NTN4: variants seen among roughly 807,000 people sequenced by gnomAD.
NTN4 encodes netrin 4.
NTN4 carries 32 observed loss-of-function variants against 73.6 expected under a neutral mutation model. The ratio of observed to expected loss-of-function variants is 0.44; its 90% CI spans 0.33 to 0.58. NTN4 has a LOEUF of 0.58. Ranked by LOEUF, NTN4 falls within the 20% of genes least tolerant of loss-of-function variation. The pLI is 0.04. For synonymous variants in NTN4, 258 were observed against 287.5 expected, an observed-to-expected ratio of 0.90 and a Z score of 1.04; for missense variants, 654 against 798.3, an observed-to-expected ratio of 0.82 and a Z score of 2.18.
chr12:95,698,454 G>A (rs1432636740), intron 5 of NTN4, among the ~76,000 whole-genome samples: 1 of 152,140 alleles, frequency 6.6e-6, no homozygotes, highest in African/African-American at 2.4e-5. Context: ...TTTATTCAGT[G>A]AATTACTGCA....
intron 7 of NTN4, among the ~76,000 whole-genome samples, chr12:95,677,472 C>A (rs2078282035): frequency 1.3e-5 from 2 of 152,082 alleles, no homozygotes. Context: ...GACCTCCTAA[C>A]TTTCTCAAAT....
chr12:95,666,341 G>T (rs1264444587), intron 8 of NTN4, among the ~76,000 whole-genome samples: 1 of 152,006 alleles, frequency 6.6e-6, no homozygotes, highest in Non-Finnish European at 1.5e-5. Context: ...GATGATGGGT[G>T]TACTAAAATC....
intron 2 of NTN4, among the ~76,000 whole-genome samples, chr12:95,770,391 G>A (rs951748143): frequency 1.3e-5 from 2 of 152,144 alleles, no homozygotes; most frequent in Admixed American, 1.3e-4. Flanking sequence ...CGCCCATTTG[G>A]GTGTGTTAGG....
intron 3 of NTN4, among the ~76,000 whole-genome samples, chr12:95,715,519 T>C (rs562589265): frequency 2.6e-5 from 4 of 152,296 alleles, no homozygotes; most frequent in African/African-American, 9.6e-5. Flanking sequence ...CTTCTCTTCA[T>C]GGCTCTCTGA....
At chr12:95,665,401 T>A (rs546249761) in intron 9 of NTN4, among the ~76,000 whole-genome samples, 1 of 152,352 alleles carries the variant, frequency 6.6e-6, no homozygotes, top group African/African-American at 2.4e-5. Flanking sequence ...ATAGTCGAAA[T>A]GAATTCAATA....
intron 5 of NTN4, among the ~76,000 whole-genome samples, chr12:95,684,861 A>G (rs1232192877): frequency 6.6e-6 from 1 of 151,660 alleles, no homozygotes; most frequent in Non-Finnish European, 1.5e-5. Context: ...CTCCAAACCA[A>G]TGCTCACCAA....
At chr12:95,771,786 T>C (rs994506498) in intron 2 of NTN4, among the ~76,000 whole-genome samples, 1 of 152,096 alleles carries the variant, frequency 6.6e-6, no homozygotes, top group Non-Finnish European at 1.5e-5. Flanking sequence ...GTTTTCTTCC[T>C]CCTTCAATAT....
At chr12:95,676,253 G>A (rs571689279) in intron 7 of NTN4, among the ~76,000 whole-genome samples, 13 of 151,942 alleles carry the variant, frequency 8.6e-5, no homozygotes, top group African/African-American at 1.7e-4. Context: ...ACAGGTACGC[G>A]CCACCACACC....
intron 3 of NTN4, among the ~76,000 whole-genome samples, chr12:95,730,094 GA>G (rs987407871): frequency 3.9e-5 from 6 of 152,130 alleles, no homozygotes; most frequent in Admixed American, 1.3e-4. Flanking sequence ...TTTATAGTAA[GA>G]AAAAAGTCAA....
At chr12:95,770,220 G>T (rs1423891790) in intron 2 of NTN4, among the ~76,000 whole-genome samples, 1 of 152,186 alleles carries the variant, frequency 6.6e-6, no homozygotes, top group Non-Finnish European at 1.5e-5. Context: ...GAGTAAGAAA[G>T]GTGGGATGTA....
chr12:95,672,712 A>G lies in NTN4; in HGVS notation c.1511-2566T>C, dbSNP rs2120952218. 11 of 1,421,652 alleles carry G rather than the reference A, an allele frequency of 7.7e-6. No homozygotes were observed. The South Asian group carries it at 1.3e-4, about 16-fold the overall frequency. The allele number at this position is 1,421,652 out of a possible 1,614,324, so 88.1% of individuals were successfully genotyped here. A position where few individuals can be genotyped will look rare whatever the true frequency, so the allele number is the denominator to read the frequency against. ...TGACCATCCTTTCTACAGCAACATCAGTAAGGATCGTAGGTATGCAGACCT... is the reference window on the plus strand; with the variant it reads ...TGACCATCCTTTCTACAGCAACATCGGTAAGGATCGTAGGTATGCAGACCT... On this transcript the variant is annotated intron_variant, in intron 7 of 9. Coordinates refer to ENST00000343702, the MANE Select transcript of NTN4 (RefSeq NM_021229.4).
intron 7 of NTN4, chr12:95,673,263 T>G (rs2120954825): frequency 2.7e-6 from 1 of 371,212 alleles, no homozygotes; most frequent in East Asian, 6.9e-5. Flanking sequence ...TTCATTCTAG[T>G]CAGAATAGCA....
At chr12:95,783,485 A>C (rs768528259) in intron 2 of NTN4, among the ~76,000 whole-genome samples, 1 of 152,200 alleles carries the variant, frequency 6.6e-6, no homozygotes, top group Non-Finnish European at 1.5e-5. Context: ...GGCAAATTCC[A>C]TTTTACCTTC....
At chr12:95,757,518 A>G (rs188377106) in intron 2 of NTN4, among the ~76,000 whole-genome samples, 85 of 152,278 alleles carry the variant, frequency 5.6e-4, no homozygotes, top group African/African-American at 1.9e-3. Flanking sequence ...GAAGACTCTG[A>G]ACCATGGTAA....
chr12:95,763,947 G>T (rs547312578), intron 2 of NTN4, among the ~76,000 whole-genome samples: 139 of 152,308 alleles, frequency 9.1e-4, no homozygotes, highest in Admixed American at 1.6e-3. Flanking sequence ...ATGCAAGACT[G>T]AAGTTCCAAT....
In NTN4 at chr12:95,787,211, A is replaced by C; in HGVS notation, c.313T>G (p.Trp105Gly). ...ADSSFRFPRTWWQSAEDVHRE... is the reference protein window; with the variant it reads ...ADSSFRFPRTGWQSAEDVHRE... ...TGCACATCCTCCGCAGACTGCCACCATGTGCGAGGAAACCGGAAGGATGAG... is the reference window on the plus strand; with the variant it reads ...TGCACATCCTCCGCAGACTGCCACCCTGTGCGAGGAAACCGGAAGGATGAG... The change falls in exon 2 of 10, where the codon TGG becomes GGG. Residue 105 changes from tryptophan to glycine, a missense_variant. By Grantham distance (184) the Trp-to-Gly change is radical. Coordinates refer to ENST00000343702, the MANE Select transcript of NTN4 (RefSeq NM_021229.4). 1 of 1,614,206 alleles carries C rather than the reference A, an allele frequency of 6.2e-7. No homozygotes were observed. Among genetic ancestry groups the C allele is most frequent in the Non-Finnish European group, 8.5e-7 (1 of 1,180,034 alleles).
At chr12:95,672,971 G>A in intron 7 of NTN4, 1 of 1,147,906 alleles carries the variant, frequency 8.7e-7, no homozygotes, top group Non-Finnish European at 1.3e-6. Context: ...TTGGACAAGA[G>A]CTCGAAGCCC....
chr12:95,691,696 GTCT>G (rs1434275324), intron 5 of NTN4, among the ~76,000 whole-genome samples: 5 of 152,048 alleles, frequency 3.3e-5, no homozygotes, highest in Non-Finnish European at 5.9e-5. Flanking sequence ...TGCCCGGCCT[GTCT>G]TCTTGTTAGA....
At chr12:95,697,006 C>CA (rs1200708573) in intron 5 of NTN4, among the ~76,000 whole-genome samples, 3 of 150,006 alleles carry the variant, frequency 2.0e-5, no homozygotes, top group South Asian at 2.1e-4. Context: ...CCCCTCTCTA[C>CA]AAAAAATAAA....
Sources: allele counts gnomAD v4.1 joint callset (sites outside exome capture counted in the v4.1 genomes callset), GRCh38; gene constraint gnomAD v4.1.1; transcripts MANE v1.5; gene names NCBI Gene and HGNC (gene_info 2026-07-23, HGNC 2026-07-21).